The following TNIK variants were observed in gnomAD, a reference collection of about 807,000 sequenced individuals.
TNIK encodes TRAF2 and NCK-interacting protein kinase.
Under a neutral mutation model 191.3 loss-of-function variants are expected in TNIK, and 49 were observed. That is an observed-to-expected ratio of 0.26 (90% CI 0.20 to 0.32). The LOEUF is 0.32. Ranked by LOEUF, TNIK falls within the 10% of genes least tolerant of loss-of-function variation. The pLI is 1.00. For synonymous variants in TNIK, 594 were observed against 600.9 expected (o/e 0.99, Z 0.17); for missense variants, 1,155 against 1,702.3 (o/e 0.68, Z 5.66).
chr3:171,138,176 C>T lies in TNIK; in HGVS notation c.1608+15G>A. The T allele has an allele frequency of 6.4e-7, 1 of 1,570,140 alleles. No individual in the cohort carries two copies. The highest frequency in any genetic ancestry group is 8.6e-7 in the Non-Finnish European group (1 of 1,161,680). On this transcript the variant is annotated intron_variant, in intron 15 of 32. Coordinates refer to ENST00000436636, the MANE Select transcript of TNIK (RefSeq NM_015028.4). ...AAGCCTGGCCAACAGGGTGAGGCTA[C>T]CCTTGCTTACTTACCTCCTTGGCCC...
chr3:171,317,399 T>A (rs1232075620), intron 2 of TNIK, among the ~76,000 whole-genome samples: 1 of 152,166 alleles, frequency 6.6e-6, no homozygotes, highest in Non-Finnish European at 1.5e-5. Context: ...CAGCTATCCA[T>A]GGAGGACTGC....
At chr3:171,086,776 G>T (rs529651979) in intron 24 of TNIK, among the ~76,000 whole-genome samples, 1 of 152,298 alleles carries the variant, frequency 6.6e-6, no homozygotes, top group East Asian at 1.9e-4. Context: ...CCTACAGATT[G>T]TGTTTATTCA....
chr3:171,186,855 A>C (rs1376508997), intron 7 of TNIK, among the ~76,000 whole-genome samples: 1 of 152,176 alleles, frequency 6.6e-6, no homozygotes, highest in Non-Finnish European at 1.5e-5. Context: ...CACACCATTT[A>C]CAGTGATCTT....
At chr3:171,261,649 G>C (rs1339569375) in intron 2 of TNIK, among the ~76,000 whole-genome samples, 1 of 152,212 alleles carries the variant, frequency 6.6e-6, no homozygotes, top group Non-Finnish European at 1.5e-5. Context: ...CCTGTACAGA[G>C]TATGACTTCC....
intron 11 of TNIK, 41 bp from the exon 12 acceptor site, chr3:171,157,705 G>A: frequency 6.5e-6 from 10 of 1,546,622 alleles, no homozygotes; most frequent in Non-Finnish European, 8.7e-6. Flanking sequence ...ACGTGGGGCA[G>A]GGGCCATGGC....
chr3:171,322,135 T>C (rs574607408), intron 2 of TNIK, among the ~76,000 whole-genome samples: 11 of 152,310 alleles, frequency 7.2e-5, no homozygotes, highest in Non-Finnish European at 1.5e-4. Flanking sequence ...AACACTTCCT[T>C]ATTTAGCAAT....
intron 1 of TNIK, among the ~76,000 whole-genome samples, chr3:171,455,914 C>T (rs138770572): frequency 6.0e-4 from 92 of 152,212 alleles, no homozygotes; most frequent in African/African-American, 1.9e-3. Flanking sequence ...AAGAAGTCCA[C>T]GGTTTAGTAA....
rs374846452 is a variant in TNIK, at chr3:171,366,987, C to T, written c.123+2633G>A. 1.4e-3 allele frequency among the ~76,000 whole-genome samples: 218 copies of T among 152,316 alleles called. 1 individual carries two copies. The highest frequency in any genetic ancestry group is 5.0e-3 in the African/African-American group (207 of 41,564). On this transcript the variant is annotated intron_variant, in intron 2 of 32. Coordinates refer to ENST00000436636, the MANE Select transcript of TNIK (RefSeq NM_015028.4). The surrounding 1 kb of genome is among the most constrained non-coding windows in gnomAD (Gnocchi z 4.1). Reference sequence around the variant, plus strand: ...ATGATCGTAAATTTCCTGAGGCCTCCTCAGCCAGGCAGAACTGTGAGTCAG... The same window carrying T: ...ATGATCGTAAATTTCCTGAGGCCTCTTCAGCCAGGCAGAACTGTGAGTCAG...
intron 2 of TNIK, among the ~76,000 whole-genome samples, chr3:171,358,181 G>T (rs562248019): frequency 6.6e-6 from 1 of 152,304 alleles, no homozygotes; most frequent in South Asian, 2.1e-4. Flanking sequence ...TTGTAAAATT[G>T]TAATAAAAAT....
At position 171,195,750 on chromosome 3, in the gene TNIK, G is replaced by C. The variant is rs1300087154; in HGVS notation, c.307-1115C>G. On this transcript the variant is annotated intron_variant, in intron 4 of 32. Coordinates refer to ENST00000436636, the MANE Select transcript of TNIK (RefSeq NM_015028.4). ...TTCTTATGATTCCACAACGGCTAGG[G>C]AAACCTTCCCACCTTCTCCAAGAAG... 5.3e-5 allele frequency among the ~76,000 whole-genome samples: 8 copies of C among 152,094 alleles called. 1 individual carries two copies. Among genetic ancestry groups the C allele is most frequent in the Admixed American group, 1.3e-4 (2 of 15,270 alleles).
intron 22 of TNIK, among the ~76,000 whole-genome samples, chr3:171,099,732 A>G (rs1052113559): frequency 6.6e-6 from 1 of 152,182 alleles, no homozygotes; most frequent in Non-Finnish European, 1.5e-5. Flanking sequence ...CTAAAGGAAC[A>G]GGAAATGCCA....
intron 1 of TNIK, among the ~76,000 whole-genome samples, chr3:171,409,931 G>A (rs1402665256): frequency 6.6e-6 from 1 of 151,592 alleles, no homozygotes; most frequent in African/African-American, 2.4e-5. Context: ...CTATCCCAGT[G>A]TTTCTTCTGG....
intron 7 of TNIK, among the ~76,000 whole-genome samples, chr3:171,186,240 T>C (rs1737354829): frequency 6.6e-6 from 1 of 152,238 alleles, no homozygotes; most frequent in Non-Finnish European, 1.5e-5. Flanking sequence ...GGATGATATA[T>C]GGTGCCAAGA....
chr3:171,399,949 G>A (rs77120315), intron 1 of TNIK, among the ~76,000 whole-genome samples: 1,605 of 152,194 alleles, frequency 0.011, 27 homozygotes, highest in African/African-American at 0.035. Flanking sequence ...TATTATTGCC[G>A]AGCTGTTCTA....
intron 23 of TNIK, among the ~76,000 whole-genome samples, chr3:171,092,632 T>C (rs1722215514): frequency 6.6e-6 from 1 of 152,212 alleles, no homozygotes; most frequent in African/African-American, 2.4e-5. Flanking sequence ...GTGAAAGGAC[T>C]CTTTAAAGGC....
At chr3:171,140,648 G>A (rs182981726) in intron 12 of TNIK, 139 bp from the exon 13 acceptor site, 8 of 732,522 alleles carry the variant, frequency 1.1e-5, no homozygotes, top group South Asian at 8.3e-5. Flanking sequence ...TCTTCTCTCC[G>A]GGGCTGTTGG....
intron 2 of TNIK, among the ~76,000 whole-genome samples, chr3:171,357,156 T>C (rs1047506920): frequency 1.3e-5 from 2 of 152,208 alleles, no homozygotes; most frequent in Non-Finnish European, 2.9e-5. Context: ...TTTTTACTTA[T>C]CAGGTATCAA....
chr3:171,250,872 T>G (rs192804048), intron 2 of TNIK, among the ~76,000 whole-genome samples: 17 of 152,372 alleles, frequency 1.1e-4, no homozygotes, highest in Admixed American at 1.0e-3. Context: ...TTTGTTTTTA[T>G]CTTGCAATCC....
In TNIK at chr3:171,369,682, G is replaced by C. The variant is rs1716226122; in HGVS notation, c.61C>G (p.Pro21Ala). 26 of 1,560,118 alleles carry C rather than the reference G, an allele frequency of 1.7e-5. No homozygotes were observed. The highest frequency in any genetic ancestry group is 2.2e-5 in the Non-Finnish European group (25 of 1,150,910). ...TCCACCAATTCAAAGATCCCTGCGG[G>C]GTCCTGAAAGAAAATAAACAAACAA... The part of the protein sequence containing the change: ...DEIDLSALRD[P>A]AGIFELVELV... Residue 21 changes from proline (P) to alanine (A), a missense_variant, in exon 2 of 33, where the codon CCC becomes GCC. This residue lies in a region of TNIK where 225 missense variants were observed against 438.9 expected (regional missense o/e 0.51). Coordinates refer to ENST00000436636, the MANE Select transcript of TNIK (RefSeq NM_015028.4).
Sources: gnomAD v4.1 joint callset for allele counts (sites outside exome capture counted in the v4.1 genomes callset) on GRCh38, gnomAD v4.1.1 for gene constraint, gnomAD v4.1.1 regional missense constraint, Gnocchi (gnomAD v3.1) non-coding constraint, MANE v1.5 for transcripts, NCBI Gene and HGNC (gene_info 2026-07-23, HGNC 2026-07-21) for gene names.